TCF20: variants seen among roughly 807,000 people sequenced by gnomAD.
TCF20 encodes the protein transcription factor 20.
In TCF20, 3 loss-of-function variants were observed where a neutral mutation model predicts 148.6. The observed-to-expected ratio is 0.02, with a 90% CI of 0.01 to 0.05. TCF20 has a LOEUF of 0.05. Ranked by LOEUF, TCF20 falls within the 10% of genes least tolerant of loss-of-function variation. The pLI, the probability that TCF20 is intolerant of heterozygous loss-of-function variation, is 1.00. For synonymous variants in TCF20, 1,049 were observed against 909.5 expected, an observed-to-expected ratio of 1.15 and a Z score of -2.76; for missense variants, 2,350 against 2,429.3, an observed-to-expected ratio of 0.97 and a Z score of 0.69.
intron 2 of TCF20, among the ~76,000 whole-genome samples, chr22:42,196,528 T>C (rs1429750409): frequency 6.6e-6 from 1 of 152,180 alleles, no homozygotes; most frequent in Non-Finnish European, 1.5e-5. Flanking sequence ...CCTAATGAAT[T>C]ACACTATTAT....
chr22:42,165,904 C>G (rs943802459), intron 5 of TCF20, among the ~76,000 whole-genome samples: 5 of 152,234 alleles, frequency 3.3e-5, no homozygotes, highest in Non-Finnish European at 7.3e-5. Context: ...TCTGTCAGAA[C>G]ATGGCGCACT....
intron 1 of TCF20, among the ~76,000 whole-genome samples, chr22:42,267,295 A>G (rs1601680925): frequency 6.6e-6 from 1 of 152,158 alleles, no homozygotes; most frequent in African/African-American, 2.4e-5. Context: ...AACAAAACCA[A>G]TTTGAGTAAT....
intron 1 of TCF20, among the ~76,000 whole-genome samples, chr22:42,295,447 T>C (rs1284711758): frequency 2.6e-4 from 39 of 149,784 alleles, no homozygotes; most frequent in South Asian, 1.3e-3. Flanking sequence ...CTTTTCTTTT[T>C]TTTTTTTTTT....
At position 42,317,505 on chromosome 22, in the gene TCF20, A is replaced by G. The variant is rs1287928765; in HGVS notation, c.-37+25974T>C. The stretch of plus-strand genomic sequence containing the variant: ...CTAGGCCCTTCCCCAGTGTCACCTC[A>G]TTACCCACTCACTACCTGGTACATG... On this transcript the variant is annotated intron_variant, in intron 1 of 1. Transcript: ENST00000515426. This position sits in a 1 kb window ranked among gnomAD's most constrained non-coding sequence, Gnocchi z 4.2. Among the ~76,000 whole-genome samples the G allele has an allele frequency of 6.6e-6, 1 of 152,086 alleles. No homozygotes were observed. The highest frequency in any genetic ancestry group is 2.4e-5 in the African/African-American group (1 of 41,398).
chr22:42,227,389 T>C (rs964310300), intron 1 of TCF20, among the ~76,000 whole-genome samples: 6 of 152,210 alleles, frequency 3.9e-5, no homozygotes, highest in African/African-American at 1.4e-4. Flanking sequence ...CTTTACCTCA[T>C]TTGCTCCATT....
chr22:42,227,604 C>CT (rs1923031761), intron 1 of TCF20, among the ~76,000 whole-genome samples: 1 of 152,110 alleles, frequency 6.6e-6, no homozygotes, highest in South Asian at 2.1e-4. Flanking sequence ...CCAACAATGT[C>CT]TTTCCTTTCT....
intron 1 of TCF20, among the ~76,000 whole-genome samples, chr22:42,298,142 C>T (rs181976368): frequency 6.6e-5 from 10 of 152,326 alleles, no homozygotes; most frequent in African/African-American, 1.9e-4. Context: ...AATCCCAGGG[C>T]CCTGGTGCTC....
At chr22:42,294,954 G>A (rs1486515285) in intron 1 of TCF20, among the ~76,000 whole-genome samples, 2 of 152,214 alleles carry the variant, frequency 1.3e-5, no homozygotes, top group African/African-American at 2.4e-5. Context: ...ACATGCTGGC[G>A]CTGGCAGGAT....
At chr22:42,324,130 G>A (rs1433618730) in intron 1 of TCF20, among the ~76,000 whole-genome samples, 1 of 93,378 alleles carries the variant, frequency 1.1e-5, no homozygotes, top group African/African-American at 5.1e-5. Flanking sequence ...GGTTATGGTG[G>A]TGGTGGTGGT....
In TCF20 at chr22:42,214,488, T is replaced by C. The variant is rs1410864073; in HGVS notation, c.818A>G (p.Glu273Gly). 1.9e-6 allele frequency: 3 copies of C among 1,614,192 alleles called. No individual in the cohort carries two copies. In the East Asian group the frequency reaches 6.7e-5, roughly 36 times the overall value. ...TGCATTAGAACCCACATTGTGTCCT[T>C]CATACTGAGATCCAGCATTCACATT... ...SYNVNAGSQY[E>G]GHNVGSNAQA... is the part of the protein sequence containing the mutation. Residue 273 changes from glutamate (E) to glycine (G), a missense_variant, in exon 2 of 6, where the codon GAA becomes GGA. Glu to Gly is a moderately conservative substitution (Grantham distance 98, BLOSUM62 -2). This residue lies in a region of TCF20 where 1,641 missense variants were observed against 1,662.6 expected (regional missense o/e 0.99). Transcript: ENST00000677622.
At position 42,213,180 on chromosome 22, in the gene TCF20, T is replaced by C. The variant is rs1302021059; in HGVS notation, c.2126A>G (p.Tyr709Cys). Residue 709 changes from tyrosine (Y) to cysteine (C), a missense_variant, in exon 2 of 6, where the codon TAC becomes TGC. By Grantham distance (194) the Tyr-to-Cys change is radical (BLOSUM62 -2). Transcript: ENST00000677622. ...SKSPGSLRYSYKDSFGSAVPR... is the reference protein window; with the variant it reads ...SKSPGSLRYSCKDSFGSAVPR... ...CACGGCTGACCCGAAACTATCTTTG[T>C]AACTATAGCGCAGACTTCCAGGAGA... is the stretch of plus-strand genomic sequence containing the variant. The C allele has an allele frequency of 1.2e-6, 2 of 1,614,236 alleles. No homozygotes were observed. Among genetic ancestry groups the C allele is most frequent in the South Asian group, 1.1e-5 (1 of 91,086 alleles).
In TCF20 at chr22:42,209,922, C is replaced by T. The variant is rs1920927725; in HGVS notation, c.5384G>A (p.Cys1795Tyr). 1.2e-6 allele frequency: 2 copies of T among 1,614,072 alleles called. No homozygotes were observed. The highest frequency in any genetic ancestry group is 1.7e-6 in the Non-Finnish European group (2 of 1,180,044). ...RFKRRHRSEDCGGGPRSLSRG... is the reference protein window; with the variant it reads ...RFKRRHRSEDYGGGPRSLSRG... ...GGACAGGGACCGAGGGCCTCCACCA[C>T]AGTCTTCCGAGCGGTGGCGCCGCTT... The change falls in exon 2 of 6, where the codon TGT becomes TAT. Residue 1795 changes from cysteine (C) to tyrosine (Y), a missense_variant. Around this residue, in one of 7 missense-constraint regions of TCF20, gnomAD observed 374 missense variants for 398.3 expected, o/e 0.94. Coordinates refer to ENST00000677622, the MANE Select transcript of TCF20 (RefSeq NM_001378418.1).
intron 1 of TCF20, among the ~76,000 whole-genome samples, chr22:42,263,305 C>T (rs1008688432): frequency 2.6e-5 from 4 of 152,184 alleles, no homozygotes; most frequent in Admixed American, 1.3e-4. Context: ...TCTCCCACAG[C>T]ACTAAGTCAG....
At chr22:42,199,814 C>A (rs1211538211) in intron 2 of TCF20, among the ~76,000 whole-genome samples, 5 of 148,062 alleles carry the variant, frequency 3.4e-5, no homozygotes, top group Non-Finnish European at 7.4e-5. Context: ...CGCACCACTG[C>A]ACTCCAGACT....
At chr22:42,258,016 T>C (rs1333772747) in intron 1 of TCF20, among the ~76,000 whole-genome samples, 1 of 152,196 alleles carries the variant, frequency 6.6e-6, no homozygotes, top group African/African-American at 2.4e-5. Context: ...TGCTCTAATA[T>C]ATGGGGAACA....
intron 1 of TCF20, among the ~76,000 whole-genome samples, chr22:42,312,032 G>A (rs1361818649): frequency 6.6e-6 from 1 of 152,236 alleles, no homozygotes; most frequent in African/African-American, 2.4e-5. Flanking sequence ...AGAGAAGGAG[G>A]AAGACATGGA....
chr22:42,315,301 G>A (rs549554847), intron 1 of TCF20, among the ~76,000 whole-genome samples: 36 of 152,294 alleles, frequency 2.4e-4, no homozygotes, highest in African/African-American at 8.4e-4. Context: ...TGGGGGTGCA[G>A]GAGAGGCACC....
chr22:42,319,368 C>T (rs771790874), intron 1 of TCF20, among the ~76,000 whole-genome samples: 2 of 152,160 alleles, frequency 1.3e-5, no homozygotes, highest in African/African-American at 2.4e-5. Flanking sequence ...CAAGCAACCC[C>T]GGCTCCACTC....
chr22:42,180,687 C>G (rs949088051), intron 2 of TCF20, among the ~76,000 whole-genome samples: 1 of 152,200 alleles, frequency 6.6e-6, no homozygotes, highest in Admixed American at 6.5e-5. Context: ...ACTACACTAA[C>G]GCCAGCAACA....
Sources: gnomAD v4.1 joint callset for allele counts (sites outside exome capture counted in the v4.1 genomes callset) on GRCh38, gnomAD v4.1.1 for gene constraint, gnomAD v4.1.1 regional missense constraint, Gnocchi (gnomAD v3.1) non-coding constraint, MANE v1.5 for transcripts, NCBI Gene and HGNC (gene_info 2026-07-23, HGNC 2026-07-21) for gene names.